ALK: variants seen among roughly 807,000 people sequenced by gnomAD.
ALK encodes the protein ALK tyrosine kinase receptor.
ALK carries 74 observed loss-of-function variants against 163.1 expected under a neutral mutation model. The observed-to-expected ratio is 0.45, with a 90% CI of 0.38 to 0.55. The LOEUF (loss-of-function observed/expected upper bound fraction) is 0.55. ALK is among the 20% of genes least tolerant of loss of function. ALK has a pLI of 0.00. For missense variants in ALK, 2,063 were observed against 2,105.3 expected, an observed-to-expected ratio of 0.98 and a Z score of 0.39; for synonymous variants, 960 against 843.2, an observed-to-expected ratio of 1.14 and a Z score of -2.40.
At chr2:29,418,035 G>A (rs1404409997) in intron 4 of ALK, among the ~76,000 whole-genome samples, 1 of 152,178 alleles carries the variant, frequency 6.6e-6, no homozygotes, top group Admixed American at 6.5e-5. Context: ...ACCCCTTTAA[G>A]GTCATGCTTC....
chr2:29,795,074 A>G (rs1022197244), intron 1 of ALK, among the ~76,000 whole-genome samples: 10 of 152,168 alleles, frequency 6.6e-5, no homozygotes, highest in African/African-American at 2.4e-4. Flanking sequence ...AAAATTTACA[A>G]CAAACGTAGT....
chr2:29,851,059 T>A (rs7574982), intron 1 of ALK, among the ~76,000 whole-genome samples: 2 of 152,104 alleles, frequency 1.3e-5, no homozygotes, highest in Non-Finnish European at 2.9e-5. Flanking sequence ...GCCAAACACA[T>A]AATTTGTGTT....
intron 3 of ALK, among the ~76,000 whole-genome samples, chr2:29,637,146 G>A (rs754778574): frequency 6.6e-6 from 1 of 152,102 alleles, no homozygotes; most frequent in Non-Finnish European, 1.5e-5. Flanking sequence ...AATATTTAGA[G>A]CAATTTTATT....
chr2:29,585,448 T>C (rs907646750), intron 3 of ALK, among the ~76,000 whole-genome samples: 6 of 152,128 alleles, frequency 3.9e-5, no homozygotes, highest in Non-Finnish European at 8.8e-5. Flanking sequence ...TGCCTCAGCT[T>C]CCCAAGTAGC....
chr2:29,340,229 G>A (rs1371096360), intron 5 of ALK, among the ~76,000 whole-genome samples: 6 of 152,166 alleles, frequency 3.9e-5, no homozygotes, highest in African/African-American at 1.4e-4. Flanking sequence ...AGTAAACAAT[G>A]CAATTTCAAC....
chr2:29,227,297 G>T lies in ALK; in HGVS notation c.2915-223C>A, dbSNP rs1317231341. On this transcript the variant is annotated intron_variant, in intron 17 of 28. Transcript: ENST00000389048. The surrounding 1 kb of genome is among the most constrained non-coding windows in gnomAD (Gnocchi z 4.4). ...TCTATGGATGTTTGCTTTTGAGTCA[G>T]TGGTGGAGAGAAGCCCACGCACATG... Among the ~76,000 whole-genome samples, 1 of 152,242 alleles carries T rather than the reference G, an allele frequency of 6.6e-6. No individual in the cohort carries two copies. The highest frequency in any genetic ancestry group is 1.5e-5 in the Non-Finnish European group (1 of 68,038).
intron 3 of ALK, among the ~76,000 whole-genome samples, chr2:29,643,645 G>C (rs2148247565): frequency 6.6e-6 from 1 of 152,278 alleles, no homozygotes; most frequent in African/African-American, 2.4e-5. Context: ...CTGTGGCTCT[G>C]TCTTATAACT....
intron 1 of ALK, among the ~76,000 whole-genome samples, chr2:29,881,760 T>C (rs1666875135): frequency 1.3e-5 from 2 of 152,202 alleles, no homozygotes; most frequent in Admixed American, 1.3e-4. Context: ...TCTTCATCTT[T>C]TCCAAGTCAA....
chr2:29,343,871 A>G, intron 5 of ALK, among the ~76,000 whole-genome samples: 1 of 152,132 alleles, frequency 6.6e-6, no homozygotes, highest in East Asian at 1.9e-4. Flanking sequence ...TTCCACTTTT[A>G]CAAGTCTTTC....
chr2:29,825,122 G>A (rs1369050746), intron 1 of ALK, among the ~76,000 whole-genome samples: 2 of 152,196 alleles, frequency 1.3e-5, no homozygotes, highest in Non-Finnish European at 2.9e-5. Flanking sequence ...CATGTAAGAA[G>A]TGACTTTCTC....
At chr2:29,735,830 C>T (rs1679876390) in intron 1 of ALK, among the ~76,000 whole-genome samples, 1 of 152,064 alleles carries the variant, frequency 6.6e-6, no homozygotes, top group Non-Finnish European at 1.5e-5. Flanking sequence ...TTGTAAATTT[C>T]CCGAGCCCTC....
chr2:29,357,092 A>C (rs949782644), intron 5 of ALK, among the ~76,000 whole-genome samples: 1 of 152,124 alleles, frequency 6.6e-6, no homozygotes, highest in Non-Finnish European at 1.5e-5. Context: ...GCTCTTACAT[A>C]TCAGCTATAA....
In ALK at chr2:29,895,523, G is replaced by T. The variant is rs554436682; in HGVS notation, c.667+24470C>A. On this transcript the variant is annotated intron_variant, in intron 1 of 28. Coordinates refer to ENST00000389048, the MANE Select transcript of ALK (RefSeq NM_004304.5). Reference sequence around the variant, plus strand: ...GTGGCTGTGAGCCTGGCTATACTATGGTCCAGCACCAGAATGCCTTAACAA... The same window carrying T: ...GTGGCTGTGAGCCTGGCTATACTATTGTCCAGCACCAGAATGCCTTAACAA... Among the ~76,000 whole-genome samples the T allele has an allele frequency of 4.3e-3, 660 of 152,298 alleles. 18 individuals are homozygous for T. The highest frequency in any genetic ancestry group is 9.1e-4 in the Non-Finnish European group (62 of 68,020).
At chr2:29,675,808 G>C (rs1331264810) in intron 3 of ALK, among the ~76,000 whole-genome samples, 2 of 151,902 alleles carry the variant, frequency 1.3e-5, no homozygotes, top group Non-Finnish European at 2.9e-5. Flanking sequence ...GTTTGCTTTA[G>C]TGTATGTGCA....
chr2:29,449,904 A>G (rs1411126582), intron 4 of ALK, among the ~76,000 whole-genome samples: 1 of 152,192 alleles, frequency 6.6e-6, no homozygotes, highest in Non-Finnish European at 1.5e-5. Flanking sequence ...CTCCCCAGTT[A>G]CCTGTGAATT....
At chr2:29,869,874 A>C (rs2148411683) in intron 1 of ALK, among the ~76,000 whole-genome samples, 1 of 152,320 alleles carries the variant, frequency 6.6e-6, no homozygotes, top group Non-Finnish European at 1.5e-5. Flanking sequence ...TTAAGATCCT[A>C]ATTGATTAAT....
chr2:29,370,837 G>A (rs985393829), intron 5 of ALK, among the ~76,000 whole-genome samples: 2 of 152,184 alleles, frequency 1.3e-5, no homozygotes, highest in East Asian at 1.9e-4. Flanking sequence ...TCCCCTAGAC[G>A]TGAGACTTGG....
intron 25 of ALK, chr2:29,208,153 A>C (rs1391617650): frequency 2.3e-6 from 1 of 425,644 alleles, no homozygotes; most frequent in South Asian, 1.6e-5. Context: ...ACAGTAATGC[A>C]GGTATGTGCA....
intron 1 of ALK, among the ~76,000 whole-genome samples, chr2:29,723,144 C>T (rs1679469153): frequency 1.3e-5 from 2 of 152,152 alleles, no homozygotes; most frequent in African/African-American, 4.8e-5. Flanking sequence ...CCTAAAGGCC[C>T]CACAGGATCT....
Sources: allele counts gnomAD v4.1 joint callset (sites outside exome capture counted in the v4.1 genomes callset), GRCh38; gene constraint gnomAD v4.1.1; non-coding constraint Gnocchi (gnomAD v3.1); transcripts MANE v1.5; gene names NCBI Gene and HGNC (gene_info 2026-07-23, HGNC 2026-07-21).